The following C19orf53 variants were observed in gnomAD, a reference collection of about 807,000 sequenced individuals.
C19orf53 encodes the protein leydig cell tumor 10 kDa protein homolog.
C19orf53 carries 9 observed loss-of-function variants against 6.5 expected under a neutral mutation model. The observed-to-expected ratio is 1.38, with a 90% CI of 0.83 to 2.40. The LOEUF (loss-of-function observed/expected upper bound fraction) is 2.40. Ranked by LOEUF, C19orf53 falls within the 30% of genes most tolerant of loss-of-function variation. The probability of loss-of-function intolerance (pLI) is 0.00; values close to 1 mark genes in which losing one functional copy is unlikely to be tolerated. For synonymous variants in C19orf53, 68 were observed against 52.5 expected (o/e 1.29, Z -1.27); for missense variants, 166 against 129.7 (o/e 1.28, Z -1.36).
In C19orf53 at chr19:13,778,241, C is replaced by G; in HGVS notation, c.*43C>G. Reference sequence around the variant, plus strand: ...CAGGCCAACATCCCACCCCCTACCTCCATATGGGACCTTGCAAGTCATCCC... The same window carrying G: ...CAGGCCAACATCCCACCCCCTACCTGCATATGGGACCTTGCAAGTCATCCC... On this transcript the variant is annotated 3_prime_UTR_variant, in exon 3 of 3. Transcript: ENST00000588234. 6.6e-7 allele frequency: 1 copy of G among 1,512,684 alleles called. No homozygotes were observed. The highest frequency in any genetic ancestry group is 8.9e-7 in the Non-Finnish European group (1 of 1,127,338). The allele number at this position is 1,512,684 out of a possible 1,614,324, so 93.7% of individuals were successfully genotyped here.
At chr19:13,776,700 T>C (rs1974375224) in intron 2 of C19orf53, among the ~76,000 whole-genome samples, 1 of 152,182 alleles carries the variant, frequency 6.6e-6, no homozygotes, top group Admixed American at 6.6e-5. Flanking sequence ...CTCCCAATAA[T>C]ACACACTGCT....
chr19:13,778,144 C>G lies in C19orf53; in HGVS notation c.246C>G (p.Ala82=). 6.2e-7 allele frequency: 1 copy of G among 1,612,598 alleles called. No individual in the cohort carries two copies. The highest frequency in any genetic ancestry group is 2.2e-5 in the East Asian group (1 of 44,770). ...SLPKKLALLK[A]PAKKKGAAAA... is the part of the protein sequence containing the mutation. ...CCAAGAAGCTGGCACTGCTGAAGGC[C>G]CCAGCCAAGAAGAAAGGGGCAGCTG... The change falls in exon 3 of 3, where the codon GCC becomes GCG. Residue 82 remains alanine (A), a synonymous_variant. Coordinates refer to ENST00000588234, the MANE Select transcript of C19orf53 (RefSeq NM_014047.3).
In C19orf53 at chr19:13,778,063, C is replaced by T. The variant is rs34853004; in HGVS notation, c.165C>T (p.Val55=). 1,523 of 1,610,176 alleles carry T rather than the reference C, an allele frequency of 9.5e-4. 15 individuals carry two copies. The African/African-American group carries it at 0.018, about 19-fold the overall frequency. Residue 55 remains valine (V), a synonymous_variant, in exon 3 of 3, where the codon GTC becomes GTT. Transcript: ENST00000588234. The part of the protein sequence containing the change: ...QQQKLKKNLE[V]GIRKKIEHDV... The stretch of plus-strand genomic sequence containing the variant: ...TGCTTCTCCCTCAGAACCTAGAAGT[C>T]GGAATCCGGAAGAAGATCGAACATG...
At position 13,774,570 on chromosome 19, in the gene C19orf53, A is replaced by C; in HGVS notation, c.93A>C (p.Lys31Asn). ...AASEKNRGPR[K>N]GGRVIAPKKA... is the part of the protein sequence containing the mutation. ...CTGAAAAGAATCGGGGCCCAAGAAA[A>C]GGCGGTAAGGAGCGGCCCGGGGACT... is the stretch of plus-strand genomic sequence containing the variant. The change falls in exon 1 of 3, where the codon AAA becomes AAC. Residue 31 changes from lysine (K) to asparagine (N), a missense_variant. Physicochemically the swap from Lys to Asn is moderately conservative, Grantham distance 94 (BLOSUM62 0). Transcript: ENST00000588234. 1 of 1,614,076 alleles carries C rather than the reference A, an allele frequency of 6.2e-7. No individual in the cohort carries two copies. The highest frequency in any genetic ancestry group is 8.5e-7 in the Non-Finnish European group (1 of 1,179,926).
chr19:13,774,491 A>T lies in C19orf53; in HGVS notation c.14A>T (p.Gln5Leu), dbSNP rs926416540. 2 of 1,609,254 alleles carry T rather than the reference A, an allele frequency of 1.2e-6. No individual in the cohort carries two copies. The highest frequency in any genetic ancestry group is 1.7e-6 in the Non-Finnish European group (2 of 1,177,988). Residue 5 changes from glutamine (Q) to leucine (L), a missense_variant, in exon 1 of 3, where the codon CAG (glutamine) becomes CTG (leucine). Gln to Leu is a moderately radical substitution (Grantham distance 113). Coordinates refer to ENST00000588234, the MANE Select transcript of C19orf53 (RefSeq NM_014047.3). MAQGQRKFQAHKPAK... is the reference protein window; with the variant it reads MAQGLRKFQAHKPAK... ...GCGTGCCGGACCATGGCGCAGGGGC[A>T]GCGCAAGTTTCAGGCGCACAAACCC...
In C19orf53 at chr19:13,774,702, A is replaced by G. The variant is rs765175783; in HGVS notation, c.148A>G (p.Lys50Glu). The G allele has an allele frequency of 2.0e-5, 32 of 1,605,164 alleles. No homozygotes were observed. Among genetic ancestry groups the G allele is most frequent in the African/African-American group, 1.6e-4 (12 of 74,740 alleles). Residue 50 changes from lysine (K) to glutamate (E), a missense_variant, in exon 2 of 3, where the codon AAG becomes GAG. By Grantham distance (56) the Lys-to-Glu change is moderately conservative (BLOSUM62 1). Transcript: ENST00000588234. ...KARVVQQQKL[K>E]KNLEVGIRKK... ...GCGCGTCGTGCAGCAGCAAAAGCTC[A>G]AGAAGGTGTGCGGGGGCGAGAGATG...
In C19orf53 at chr19:13,774,688, A is replaced by T; in HGVS notation, c.134A>T (p.Gln45Leu). Residue 45 changes from glutamine (Q) to leucine (L), a missense_variant, in exon 2 of 3, where the codon CAG becomes CTG. Gln to Leu is a moderately radical substitution (Grantham distance 113). Transcript: ENST00000588234. ...VIAPKKARVVQQQKLKKNLEV... is the reference protein window; with the variant it reads ...VIAPKKARVVLQQKLKKNLEV... ...GCTCCCAAGAAGGCGCGCGTCGTGC[A>T]GCAGCAAAAGCTCAAGAAGGTGTGC... 1 of 1,608,916 alleles carries T rather than the reference A, an allele frequency of 6.2e-7. No homozygotes were observed. Among genetic ancestry groups the T allele is most frequent in the Non-Finnish European group, 8.5e-7 (1 of 1,175,694 alleles).
At position 13,777,848 on chromosome 19, in the gene C19orf53, G is replaced by A. The variant is rs865883917; in HGVS notation, c.154-204G>A. Among the ~76,000 whole-genome samples, 6 of 152,310 alleles carry A rather than the reference G, an allele frequency of 3.9e-5. No homozygotes were observed. The Middle Eastern group carries it at 0.02, about 518-fold the overall frequency. On this transcript the variant is annotated intron_variant, in intron 2 of 2. Transcript: ENST00000588234. ...CATGAGCAGAGGTTTAGAAGCCAAG[G>A]TGCAGAAGTGAGGATTTTTGTGTGT...
rs780691334 is a variant in C19orf53 at position 13,775,878 on chromosome 19, C to T, written c.153+1171C>T. The stretch of plus-strand genomic sequence containing the variant: ...TCCCTTCCCATTCTGCCCTCCTCCC[C>T]CTGTGATCACTTCCTTCCAGATGCC... On this transcript the variant is annotated intron_variant, in intron 2 of 2. Coordinates refer to ENST00000588234, the MANE Select transcript of C19orf53 (RefSeq NM_014047.3). Among the ~76,000 whole-genome samples, 4 of 152,140 alleles carry T rather than the reference C, an allele frequency of 2.6e-5. No homozygotes were observed. The South Asian group carries it at 8.3e-4, about 32-fold the overall frequency.
chr19:13,778,306 A>C lies in C19orf53; in HGVS notation c.*108A>C, dbSNP rs1361232986. 2.2e-6 allele frequency: 3 copies of C among 1,338,392 alleles called. No individual in the cohort carries two copies. In the African/African-American group the frequency reaches 4.5e-5, roughly 20 times the overall value. The allele number at this position is 1,338,392 out of a possible 1,614,324, so 82.9% of individuals were successfully genotyped here. ...CAGGAAGAGGACCCTGTCCCCCAGCACTGGGCTTCACCTAGAACTTCAGTG... is the reference window on the plus strand; with the variant it reads ...CAGGAAGAGGACCCTGTCCCCCAGCCCTGGGCTTCACCTAGAACTTCAGTG... On this transcript the variant is annotated 3_prime_UTR_variant, in exon 3 of 3. Transcript: ENST00000588234.
chr19:13,775,790 C>T (rs1250200785), intron 2 of C19orf53, among the ~76,000 whole-genome samples: 2 of 152,102 alleles, frequency 1.3e-5, no homozygotes, highest in Non-Finnish European at 2.9e-5. Context: ...CGCTTACCTC[C>T]GTGGAGTGGG....
In C19orf53 at chr19:13,774,567, A is replaced by G. The variant is rs1370242506; in HGVS notation, c.90A>G (p.Arg30=). ...CCTCTGAAAAGAATCGGGGCCCAAG[A>G]AAAGGCGGTAAGGAGCGGCCCGGGG... ...AAASEKNRGP[R]KGGRVIAPKK... is the part of the protein sequence containing the mutation. The change falls in exon 1 of 3, where the codon AGA becomes AGG. Residue 30 remains arginine, a synonymous_variant. Coordinates refer to ENST00000588234, the MANE Select transcript of C19orf53 (RefSeq NM_014047.3). 5.0e-6 allele frequency: 8 copies of G among 1,613,964 alleles called. No individual in the cohort carries two copies. The highest frequency in any genetic ancestry group is 5.9e-6 in the Non-Finnish European group (7 of 1,179,932).
chr19:13,775,779 C>T (rs926589169), intron 2 of C19orf53, among the ~76,000 whole-genome samples: 8 of 152,072 alleles, frequency 5.3e-5, no homozygotes, highest in African/African-American at 1.7e-4. Flanking sequence ...ACCCACTGGC[C>T]CGCTTACCTC....
At chr19:13,777,305 G>A (rs1173012465) in intron 2 of C19orf53, among the ~76,000 whole-genome samples, 1 of 151,856 alleles carries the variant, frequency 6.6e-6, no homozygotes, top group Non-Finnish European at 1.5e-5. Flanking sequence ...CAGTGTAGTG[G>A]AACGATCATA....
chr19:13,775,877 C>T lies in C19orf53; in HGVS notation c.153+1170C>T, dbSNP rs1232853019. On this transcript the variant is annotated intron_variant, in intron 2 of 2. Coordinates refer to ENST00000588234, the MANE Select transcript of C19orf53 (RefSeq NM_014047.3). ...CTCCCTTCCCATTCTGCCCTCCTCC[C>T]CCTGTGATCACTTCCTTCCAGATGC... Among the ~76,000 whole-genome samples, 4 of 152,126 alleles carry T rather than the reference C, an allele frequency of 2.6e-5. No homozygotes were observed. The East Asian group carries it at 5.8e-4, about 22-fold the overall frequency.
chr19:13,778,171 C>T lies in C19orf53; in HGVS notation c.273C>T (p.Ala91=), dbSNP rs150096940. ...CAGCCAAGAAGAAAGGGGCAGCTGCCGCCACCTCCTCCAAGACACCTTCCT... is the reference window on the plus strand; with the variant it reads ...CAGCCAAGAAGAAAGGGGCAGCTGCTGCCACCTCCTCCAAGACACCTTCCT... ...KAPAKKKGAA[A]ATSSKTPS is the part of the protein sequence containing the mutation. Residue 91 remains alanine, a synonymous_variant, in exon 3 of 3, where the codon GCC becomes GCT. Transcript: ENST00000588234. 7.7e-5 allele frequency: 124 copies of T among 1,609,946 alleles called. 1 individual carries two copies. Among genetic ancestry groups the T allele is most frequent in the Admixed American group, 1.7e-4 (10 of 59,454 alleles).
chr19:13,775,161 T>A (rs1974355472), intron 2 of C19orf53, among the ~76,000 whole-genome samples: 1 of 152,122 alleles, frequency 6.6e-6, no homozygotes, highest in Non-Finnish European at 1.5e-5. Context: ...AGCCTCTTGC[T>A]GTTACTGTTT....
In C19orf53 at chr19:13,774,719, CGA is replaced by C. The variant is rs1361154936; in HGVS notation, c.153+17_153+18del. 1.3e-6 allele frequency: 2 copies of C among 1,584,154 alleles called. No individual in the cohort carries two copies. Among genetic ancestry groups the C allele is most frequent in the Non-Finnish European group, 1.7e-6 (2 of 1,160,718 alleles). ...AAAAGCTCAAGAAGGTGTGCGGGGG[CGA>C]GAGATGGAGCCCGGAGGGCGGCGAG... On this transcript the variant is annotated intron_variant, in intron 2 of 2. Coordinates refer to ENST00000588234, the MANE Select transcript of C19orf53 (RefSeq NM_014047.3).
At position 13,774,458 on chromosome 19, in the gene C19orf53, C is replaced by T. The variant is rs778664638; in HGVS notation, c.-20C>T. 1 of 1,582,470 alleles carries T rather than the reference C, an allele frequency of 6.3e-7. No individual in the cohort carries two copies. The highest frequency in any genetic ancestry group is 8.6e-7 in the Non-Finnish European group (1 of 1,164,444). On this transcript the variant is annotated 5_prime_UTR_variant, in exon 1 of 3. Transcript: ENST00000588234. The stretch of plus-strand genomic sequence containing the variant: ...GCTACGACTGCTCACAGTCCCGCCT[C>T]TTCCGCTGCGTGCCGGACCATGGCG...
Sources: gnomAD v4.1 joint callset for allele counts (sites outside exome capture counted in the v4.1 genomes callset) on GRCh38, gnomAD v4.1.1 for gene constraint, MANE v1.5 for transcripts, NCBI Gene and HGNC (gene_info 2026-07-23, HGNC 2026-07-21) for gene names.